Variants in CDH4 observed in about 807,000 individuals in gnomAD.
The protein encoded by CDH4 is cadherin 4.
A neutral mutation model predicts 86.0 loss-of-function variants in CDH4; 33 were observed. That is an observed-to-expected ratio of 0.38 (90% CI 0.29 to 0.51). The LOEUF is 0.51. CDH4 is among the 20% of genes least tolerant of loss of function. The pLI is 0.86. For missense variants in CDH4, 1,114 were observed against 1,307.4 expected (o/e 0.85, Z 2.28); for synonymous variants, 555 against 549.4 (o/e 1.01, Z -0.14).
intron 2 of CDH4, among the ~76,000 whole-genome samples, chr20:61,303,472 G>A (rs937113320): frequency 5.3e-5 from 8 of 151,960 alleles, no homozygotes; most frequent in African/African-American, 1.9e-4. Context: ...TTTTTTTCCA[G>A]CTCCTCTGGC....
intron 2 of CDH4, among the ~76,000 whole-genome samples, chr20:61,707,765 C>A (rs532323795): frequency 1.3e-5 from 2 of 152,118 alleles, no homozygotes; most frequent in Non-Finnish European, 2.9e-5. Flanking sequence ...TCATGAGGAA[C>A]GCGCAGCCTA....
intron 7 of CDH4, among the ~76,000 whole-genome samples, chr20:61,883,091 C>T (rs1268488113): frequency 6.6e-6 from 1 of 152,138 alleles, no homozygotes; most frequent in Non-Finnish European, 1.5e-5. Context: ...GCCCCATTCC[C>T]CCGGCACCCC....
At chr20:61,874,001 G>C in intron 7 of CDH4, 101 bp downstream of exon 7, 1 of 1,243,730 alleles carries the variant, frequency 8.0e-7, no homozygotes, top group East Asian at 2.3e-5. Context: ...CCGTCGGGGA[G>C]TGATCGACAG....
At chr20:61,299,285 G>C (rs2123200880) in intron 2 of CDH4, among the ~76,000 whole-genome samples, 1 of 152,306 alleles carries the variant, frequency 6.6e-6, no homozygotes, top group Middle Eastern at 3.4e-3. Flanking sequence ...CCCGGGGACT[G>C]CCACAGCCCC....
At chr20:61,415,079 C>T (rs2085139459) in intron 2 of CDH4, among the ~76,000 whole-genome samples, 1 of 152,250 alleles carries the variant, frequency 6.6e-6, no homozygotes, top group Non-Finnish European at 1.5e-5. Context: ...GTCAAACTGC[C>T]AGCTCAGAAG....
intron 2 of CDH4, among the ~76,000 whole-genome samples, chr20:61,342,801 G>A (rs947622433): frequency 6.6e-6 from 1 of 152,210 alleles, no homozygotes; most frequent in African/African-American, 2.4e-5. Flanking sequence ...TGTTAATCAT[G>A]GAGACCGTGA....
chr20:61,431,630 G>A (rs1440634948), intron 2 of CDH4, among the ~76,000 whole-genome samples: 3 of 152,132 alleles, frequency 2.0e-5, no homozygotes, highest in African/African-American at 7.2e-5. Flanking sequence ...AAAATGTTGG[G>A]ACTATAGGAG....
chr20:61,327,477 T>C (rs1437727664), intron 2 of CDH4, among the ~76,000 whole-genome samples: 1 of 152,208 alleles, frequency 6.6e-6, no homozygotes, highest in Non-Finnish European at 1.5e-5. Context: ...TACTCACATT[T>C]ACTACATGCA....
intron 3 of CDH4, among the ~76,000 whole-genome samples, chr20:61,744,380 GAGAAGGAGGGAGAGAGA>G (rs1309471281): frequency 2.7e-5 from 4 of 149,284 alleles, no homozygotes; most frequent in African/African-American, 9.9e-5. Context: ...GAGGGAGAGA[GAGAAGGAGGGAGAGAGA>G]TGGAAAGAGG....
intron 2 of CDH4, among the ~76,000 whole-genome samples, chr20:61,595,230 AGCCCT>A (rs1338486631): frequency 6.6e-6 from 1 of 152,232 alleles, no homozygotes; most frequent in African/African-American, 2.4e-5. Context: ...TGTCCTACCC[AGCCCT>A]GCATGTGTGA....
chr20:61,545,680 G>T (rs1000022995), intron 2 of CDH4, among the ~76,000 whole-genome samples: 1 of 152,352 alleles, frequency 6.6e-6, no homozygotes, highest in African/African-American at 2.4e-5. Context: ...TTTGGCAACT[G>T]GTGCCGCTCA....
intron 2 of CDH4, among the ~76,000 whole-genome samples, chr20:61,426,014 T>C (rs1053845817): frequency 2.6e-5 from 4 of 152,234 alleles, no homozygotes; most frequent in Non-Finnish European, 5.9e-5. Flanking sequence ...ATGCAACAAA[T>C]AGTTACCAAG....
At chr20:61,828,855 C>A (rs551305102) in intron 4 of CDH4, among the ~76,000 whole-genome samples, 1 of 152,362 alleles carries the variant, frequency 6.6e-6, no homozygotes, top group Non-Finnish European at 1.5e-5. Flanking sequence ...AGACTGGTTT[C>A]CTGGAAGACA....
rs1032062330 is a variant in CDH4 at position 61,689,657 on chromosome 20, C to G, written c.170-53906C>G. Among the ~76,000 whole-genome samples, 183 of 83,514 alleles carry G rather than the reference C, an allele frequency of 2.2e-3. 1 individual carries two copies. The highest frequency in any genetic ancestry group is 8.1e-3 in the Middle Eastern group (1 of 124). The allele number at this position is 83,514 out of a possible 152,430, so 54.8% of individuals were successfully genotyped here. A position where few individuals can be genotyped will look rare whatever the true frequency, so the allele number is the denominator to read the frequency against. On this transcript the variant is annotated intron_variant, in intron 2 of 15. Coordinates refer to ENST00000614565, the MANE Select transcript of CDH4 (RefSeq NM_001794.5). ...GGTTGGTGAGGTGATGTGGAATTGGCCTGGGACATTGTTTGGTGAAGTGAT... is the reference window on the plus strand; with the variant it reads ...GGTTGGTGAGGTGATGTGGAATTGGGCTGGGACATTGTTTGGTGAAGTGAT...
chr20:61,596,887 A>C (rs973257540), intron 2 of CDH4, among the ~76,000 whole-genome samples: 1 of 152,214 alleles, frequency 6.6e-6, no homozygotes, highest in Non-Finnish European at 1.5e-5. Context: ...ACCTTTACAT[A>C]ATAATGCCTC....
chr20:61,423,014 C>A (rs991519720), intron 2 of CDH4, among the ~76,000 whole-genome samples: 2 of 152,094 alleles, frequency 1.3e-5, no homozygotes, highest in Non-Finnish European at 2.9e-5. Context: ...TTGGAGAGGT[C>A]AGAAGGTCAG....
At chr20:61,904,052 A>G (rs890041580) in intron 8 of CDH4, among the ~76,000 whole-genome samples, 3 of 152,080 alleles carry the variant, frequency 2.0e-5, no homozygotes, top group African/African-American at 7.2e-5. Context: ...CGCCCCTGGG[A>G]CTTCCCCCAA....
At chr20:61,330,149 C>T (rs1033664645) in intron 2 of CDH4, among the ~76,000 whole-genome samples, 51 of 152,008 alleles carry the variant, frequency 3.4e-4, no homozygotes, top group Admixed American at 1.3e-4. Context: ...AATGAACATA[C>T]GCGTGCATGT....
At position 61,518,368 on chromosome 20, in the gene CDH4, CAGAT is replaced by C. The variant is rs1183732908; in HGVS notation, c.170-225192_170-225189del. ...TCCACCTAAAGGAAAGGTACGTTAT[CAGAT>C]AGGCTGGAATTTGGCCAAATTCTCT... On this transcript the variant is annotated intron_variant, in intron 2 of 15. Coordinates refer to ENST00000614565, the MANE Select transcript of CDH4 (RefSeq NM_001794.5). This position sits in a 1 kb window ranked among gnomAD's most constrained non-coding sequence, Gnocchi z 6.3. Among the ~76,000 whole-genome samples the C allele has an allele frequency of 2.6e-5, 4 of 152,322 alleles. No individual in the cohort carries two copies. Among genetic ancestry groups the C allele is most frequent in the African/African-American group, 9.6e-5 (4 of 41,576 alleles).
Sources: gnomAD v4.1 joint callset for allele counts (sites outside exome capture counted in the v4.1 genomes callset) on GRCh38, gnomAD v4.1.1 for gene constraint, Gnocchi (gnomAD v3.1) non-coding constraint, MANE v1.5 for transcripts, NCBI Gene and HGNC (gene_info 2026-07-23, HGNC 2026-07-21) for gene names.